The following PTGFRN variants were observed in gnomAD, a reference collection of about 807,000 sequenced individuals.
The protein encoded by PTGFRN is prostaglandin F2 receptor negative regulator.
PTGFRN carries 35 observed loss-of-function variants against 83.2 expected under a neutral mutation model. The observed-to-expected ratio is 0.42, with a 90% CI of 0.32 to 0.56. The LOEUF (loss-of-function observed/expected upper bound fraction) is 0.56, where lower values mean the gene tolerates loss of function less well. Among genes scored for constraint, PTGFRN ranks in the 20% least tolerant of loss-of-function variants. The pLI is 0.11. For synonymous variants in PTGFRN, 519 were observed against 498.6 expected (o/e 1.04, Z -0.55); for missense variants, 1,051 against 1,179.5 (o/e 0.89, Z 1.60).
At chr1:116,982,826 C>T (rs1651357157) in intron 7 of PTGFRN, among the ~76,000 whole-genome samples, 2 of 152,156 alleles carry the variant, frequency 1.3e-5, no homozygotes, top group South Asian at 4.1e-4. Flanking sequence ...AGTTCATAAC[C>T]TCCAGGTGGC....
In PTGFRN at chr1:116,910,324, T is replaced by TGCA. The variant is rs1034889558; in HGVS notation, c.49+75_49+77dup. ...CCTGGAGGGCTCGGCGGGGCGCGGCTGCAGCGCGCGGCCTGGGGCGCCGAG... is the reference window on the plus strand; with the variant it reads ...CCTGGAGGGCTCGGCGGGGCGCGGCTGCAGCAGCGCGCGGCCTGGGGCGCCGAG... On this transcript the variant is annotated intron_variant, in intron 1 of 8. Coordinates refer to ENST00000393203, the MANE Select transcript of PTGFRN (RefSeq NM_020440.4). 1.5e-4 allele frequency: 183 copies of TGCA among 1,212,862 alleles called. No homozygotes were observed. The Middle Eastern group carries it at 2.2e-3, about 15-fold the overall frequency. The allele number at this position is 1,212,862 out of a possible 1,614,324, so 75.1% of individuals were successfully genotyped here. A position where few individuals can be genotyped will look rare whatever the true frequency, so the allele number is the denominator to read the frequency against.
At chr1:116,970,413 C>T (rs1194748795) in intron 6 of PTGFRN, among the ~76,000 whole-genome samples, 1 of 151,632 alleles carries the variant, frequency 6.6e-6, no homozygotes, top group Non-Finnish European at 1.5e-5. Context: ...TGGTTTTTGT[C>T]CTTTATTTGT....
Position 116,910,144 on chromosome 1 carries a change from G to A in PTGFRN, c.-60G>A, listed in dbSNP as rs1263162291. Reference sequence around the variant, plus strand: ...TGGAGCAGCCGGAGCTGGAAGAGGAGGAGGAGGAGAGGCGGCGGGGAAGGA... The same window carrying A: ...TGGAGCAGCCGGAGCTGGAAGAGGAAGAGGAGGAGAGGCGGCGGGGAAGGA... On this transcript the variant is annotated 5_prime_UTR_variant, in exon 1 of 9. Transcript: ENST00000393203. 7 of 1,498,470 alleles carry A rather than the reference G, an allele frequency of 4.7e-6. No individual in the cohort carries two copies. The South Asian group carries it at 4.8e-5, about 10-fold the overall frequency. The allele number at this position is 1,498,470 out of a possible 1,614,324, so 92.8% of individuals were successfully genotyped here.
chr1:116,989,919 C>T lies in PTGFRN; in HGVS notation c.*2952C>T, dbSNP rs1651667787. 1 of 152,656 alleles carries T rather than the reference C, an allele frequency of 6.6e-6. No individual in the cohort carries two copies. Among genetic ancestry groups the T allele is most frequent in the Non-Finnish European group, 1.5e-5 (1 of 68,048 alleles). 9.5% of individuals were successfully genotyped at this position (152,656 alleles called of 1,614,324 possible). On this transcript the variant is annotated 3_prime_UTR_variant, in exon 9 of 9. Transcript: ENST00000393203. ...GACCTTCGTTTGTTTCCCCGGTGGC[C>T]CTTGCTTCTTGCTTTGCAGACTGCC...
At chr1:116,912,819 A>G (rs982110785) in intron 1 of PTGFRN, among the ~76,000 whole-genome samples, 1 of 152,134 alleles carries the variant, frequency 6.6e-6, no homozygotes, top group East Asian at 1.9e-4. Flanking sequence ...CTTTATGTAG[A>G]CTATATTAAA....
chr1:116,983,818 T>C (rs1651387814), intron 7 of PTGFRN, among the ~76,000 whole-genome samples: 1 of 152,210 alleles, frequency 6.6e-6, no homozygotes, highest in Admixed American at 6.5e-5. Context: ...AACAGTGTCA[T>C]GGCTGTTGTC....
chr1:116,962,609 A>C (rs1274784580), intron 5 of PTGFRN: 2 of 152,596 alleles, frequency 1.3e-5, no homozygotes, highest in African/African-American at 4.8e-5. Flanking sequence ...CTCTGTAGTC[A>C]TCATGTCCTC....
intron 2 of PTGFRN, among the ~76,000 whole-genome samples, chr1:116,944,263 C>A (rs1377000543): frequency 6.6e-6 from 1 of 152,214 alleles, no homozygotes; most frequent in East Asian, 1.9e-4. Flanking sequence ...AATGATTTAT[C>A]ATGACAGCTG....
intron 1 of PTGFRN, among the ~76,000 whole-genome samples, chr1:116,919,339 C>A (rs985869871): frequency 6.6e-6 from 1 of 152,170 alleles, no homozygotes; most frequent in South Asian, 2.1e-4. Context: ...CTTTCCTTCC[C>A]AATAAATTCC....
chr1:116,975,601 C>A (rs1557748960), intron 7 of PTGFRN, among the ~76,000 whole-genome samples: 1 of 152,162 alleles, frequency 6.6e-6, no homozygotes, highest in Non-Finnish European at 1.5e-5. Flanking sequence ...CTGCTGATAC[C>A]CAGGCAAACA....
chr1:116,963,925 T>A (rs1384829930), intron 5 of PTGFRN, among the ~76,000 whole-genome samples: 1 of 152,028 alleles, frequency 6.6e-6, no homozygotes, highest in Non-Finnish European at 1.5e-5. Context: ...AGAGGCACTA[T>A]AGGCCTCTAT....
chr1:116,929,573 G>A (rs1475537146), intron 1 of PTGFRN, among the ~76,000 whole-genome samples: 1 of 152,052 alleles, frequency 6.6e-6, no homozygotes. Context: ...TTGCTGTTCT[G>A]TGTCTGGAGC....
chr1:116,966,809 A>G (rs990601551), intron 5 of PTGFRN, 102 bp from the exon 6 acceptor site: 24 of 1,289,306 alleles, frequency 1.9e-5, no homozygotes, highest in African/African-American at 1.8e-4. Flanking sequence ...TTGTGTGGCA[A>G]TTTGCAAATA....
intron 2 of PTGFRN, among the ~76,000 whole-genome samples, chr1:116,943,352 A>G (rs1293498490): frequency 2.0e-5 from 3 of 152,240 alleles, no homozygotes; most frequent in Non-Finnish European, 4.4e-5. Context: ...ATTAAGCCAG[A>G]TGCCCCCTTG....
At position 116,923,425 on chromosome 1, in the gene PTGFRN, T is replaced by G. The variant is rs977457284; in HGVS notation, c.49+13173T>G. ...AGTAGGAAAAAATGAAATCTATACA[T>G]GTTAAAGAAGGGGTGAGAAAAGTCT... is the stretch of plus-strand genomic sequence containing the variant. On this transcript the variant is annotated intron_variant, in intron 1 of 8. Coordinates refer to ENST00000393203, the MANE Select transcript of PTGFRN (RefSeq NM_020440.4). This position sits in a 1 kb window ranked among gnomAD's most constrained non-coding sequence, Gnocchi z 4.0. Among the ~76,000 whole-genome samples the G allele has an allele frequency of 2.0e-5, 3 of 152,162 alleles. No homozygotes were observed. Among genetic ancestry groups the G allele is most frequent in the Non-Finnish European group, 4.4e-5 (3 of 68,032 alleles).
chr1:116,914,945 C>T lies in PTGFRN; in HGVS notation c.49+4693C>T, dbSNP rs554539668. ...TCGATTGCATATCAAGCGTCAGGCT[C>T]TGACGTACATTCTGGTATTTATTCC... On this transcript the variant is annotated intron_variant, in intron 1 of 8. Transcript: ENST00000393203. Among the ~76,000 whole-genome samples, 6 of 152,300 alleles carry T rather than the reference C, an allele frequency of 3.9e-5. No individual in the cohort carries two copies. In the East Asian group the frequency reaches 1.2e-3, roughly 29 times the overall value.
intron 1 of PTGFRN, among the ~76,000 whole-genome samples, chr1:116,913,488 G>C (rs1202361876): frequency 6.6e-6 from 1 of 152,102 alleles, no homozygotes; most frequent in Non-Finnish European, 1.5e-5. Flanking sequence ...GATAGATCCT[G>C]TAGGTTTTGC....
In PTGFRN at chr1:116,988,278, A is replaced by G. The variant is rs1441728126; in HGVS notation, c.*1311A>G. 6.6e-6 allele frequency: 1 copy of G among 152,346 alleles called. No homozygotes were observed. The highest frequency in any genetic ancestry group is 2.4e-5 in the African/African-American group (1 of 41,454). 9.4% of individuals were successfully genotyped at this position (152,346 alleles called of 1,614,324 possible). A position where few individuals can be genotyped will look rare whatever the true frequency, so the allele number is the denominator to read the frequency against. On this transcript the variant is annotated 3_prime_UTR_variant, in exon 9 of 9. Transcript: ENST00000393203. ...ATTTGCTGTTATGTGAATGGCCTGT[A>G]GAGCAGAGTCAAGAGCGGTGTGCTT...
intron 1 of PTGFRN, among the ~76,000 whole-genome samples, chr1:116,919,408 C>G (rs1164446946): frequency 6.6e-6 from 1 of 151,828 alleles, no homozygotes; most frequent in Non-Finnish European, 1.5e-5. Context: ...CTTTTCTTTT[C>G]TTTTTTTTAA....
Sources: gnomAD v4.1 joint callset for allele counts (sites outside exome capture counted in the v4.1 genomes callset) on GRCh38, gnomAD v4.1.1 for gene constraint, Gnocchi (gnomAD v3.1) non-coding constraint, MANE v1.5 for transcripts, NCBI Gene and HGNC (gene_info 2026-07-23, HGNC 2026-07-21) for gene names.